The following DNER variants were observed in gnomAD, a reference collection of about 807,000 sequenced individuals.
The protein encoded by DNER is delta and Notch-like epidermal growth factor-related receptor.
DNER carries 33 observed loss-of-function variants against 78.2 expected under a neutral mutation model. That is an observed-to-expected ratio of 0.42 (90% CI 0.32 to 0.56). The LOEUF is 0.56. DNER is among the 20% of genes least tolerant of loss of function. DNER has a pLI of 0.11. For missense variants in DNER, 918 were observed against 975.3 expected, an observed-to-expected ratio of 0.94 and a Z score of 0.78; for synonymous variants, 417 against 384.8, an observed-to-expected ratio of 1.08 and a Z score of -0.98.
intron 1 of DNER, among the ~76,000 whole-genome samples, chr2:229,650,658 G>A (rs1698800212): frequency 6.6e-6 from 1 of 152,090 alleles, no homozygotes; most frequent in African/African-American, 2.4e-5. Context: ...TTTTCTTTCA[G>A]GGTTCCTTTT....
chr2:229,550,575 G>A (rs142070850), intron 4 of DNER, among the ~76,000 whole-genome samples: 2 of 152,074 alleles, frequency 1.3e-5, no homozygotes, highest in Admixed American at 6.5e-5. Flanking sequence ...GGGAGATCGA[G>A]ACCATCCTGG....
At chr2:229,378,274 A>C (rs1041608176) in intron 11 of DNER, among the ~76,000 whole-genome samples, 15 of 152,140 alleles carry the variant, frequency 9.9e-5, no homozygotes, top group Non-Finnish European at 1.6e-4. Flanking sequence ...GTTTTAAGCC[A>C]CTCAATTTGT....
At chr2:229,597,268 C>T (rs75920580) in intron 1 of DNER, among the ~76,000 whole-genome samples, 363 of 152,344 alleles carry the variant, frequency 2.4e-3, no homozygotes, top group African/African-American at 8.6e-3. Context: ...TTTTCTCTAA[C>T]TCTTCAGACT....
intron 10 of DNER, among the ~76,000 whole-genome samples, chr2:229,404,760 G>A (rs541590789): frequency 6.6e-6 from 1 of 152,250 alleles, no homozygotes; most frequent in Non-Finnish European, 1.5e-5. Flanking sequence ...GAGAAAACAT[G>A]ACATTTTCTC....
chr2:229,566,448 TG>T (rs911058419), intron 4 of DNER, among the ~76,000 whole-genome samples: 14 of 152,170 alleles, frequency 9.2e-5, no homozygotes, highest in African/African-American at 3.1e-4. Flanking sequence ...AACTAACCAA[TG>T]TATTGCAATG....
intron 11 of DNER, among the ~76,000 whole-genome samples, chr2:229,379,424 G>A (rs1176985681): frequency 2.0e-5 from 3 of 152,246 alleles, no homozygotes; most frequent in African/African-American, 7.2e-5. Context: ...AGAATATGAT[G>A]GAGCTTGAAT....
At chr2:229,418,286 G>T in intron 8 of DNER, 56 bp from the exon 9 acceptor site, 9 of 1,608,878 alleles carry the variant, frequency 5.6e-6, no homozygotes, top group South Asian at 1.1e-5. Context: ...CAACCCACGC[G>T]GGACCAGCCT....
rs1473668303 is a variant in DNER at position 229,566,216 on chromosome 2, T to C, written c.848-19124A>G. Reference sequence around the variant, plus strand: ...ATTGACATGTTTACCTGCCTGGCTATTGCAAGCATTGTGAACATGATCTTT... The same window carrying C: ...ATTGACATGTTTACCTGCCTGGCTACTGCAAGCATTGTGAACATGATCTTT... On this transcript the variant is annotated intron_variant, in intron 4 of 12. Coordinates refer to ENST00000341772, the MANE Select transcript of DNER (RefSeq NM_139072.4). 4.6e-5 allele frequency among the ~76,000 whole-genome samples: 7 copies of C among 152,310 alleles called. No homozygotes were observed. In the East Asian group the frequency reaches 7.7e-4, roughly 17 times the overall value.
At chr2:229,461,656 C>G (rs1694705400) in intron 7 of DNER, among the ~76,000 whole-genome samples, 1 of 151,888 alleles carries the variant, frequency 6.6e-6, no homozygotes, top group Admixed American at 6.6e-5. Context: ...TAAGCTATAA[C>G]AGAGGAATAA....
intron 1 of DNER, among the ~76,000 whole-genome samples, chr2:229,679,417 T>C (rs1699350737): frequency 6.6e-6 from 1 of 152,228 alleles, no homozygotes; most frequent in Non-Finnish European, 1.5e-5. Context: ...AAATGAACTG[T>C]AATGTGAACT....
chr2:229,422,755 TAAAGAAGAAAATGGAAGGG>T (rs1473398440), intron 8 of DNER, among the ~76,000 whole-genome samples: 3 of 151,628 alleles, frequency 2.0e-5, no homozygotes, highest in Non-Finnish European at 2.9e-5. Flanking sequence ...AAATTTTCAT[TAAAGAAGAAAATGGAAGGG>T]AAAGAAGAAA....
chr2:229,413,680 T>A (rs1172389946), intron 9 of DNER, among the ~76,000 whole-genome samples: 1 of 151,438 alleles, frequency 6.6e-6, no homozygotes, highest in African/African-American at 2.4e-5. Flanking sequence ...ATTGCACTCA[T>A]TCTTTTTAGG....
chr2:229,612,650 A>G (rs1023631669), intron 1 of DNER, among the ~76,000 whole-genome samples: 2 of 152,168 alleles, frequency 1.3e-5, no homozygotes, highest in Non-Finnish European at 2.9e-5. Context: ...TGTTTTTTGC[A>G]CTTTGCCAGA....
intron 8 of DNER, among the ~76,000 whole-genome samples, chr2:229,432,165 G>GA (rs1694019484): frequency 1.3e-5 from 2 of 152,226 alleles, no homozygotes; most frequent in Non-Finnish European, 2.9e-5. Context: ...TAAACAGTAA[G>GA]AAAAGCATTT....
In DNER at chr2:229,393,137, A is replaced by T. The variant is rs113814785; in HGVS notation, c.1724-4741T>A. Among the ~76,000 whole-genome samples, 3 of 152,336 alleles carry T rather than the reference A, an allele frequency of 2.0e-5. No homozygotes were observed. The East Asian group carries it at 5.8e-4, about 29-fold the overall frequency. On this transcript the variant is annotated intron_variant, in intron 10 of 12. Coordinates refer to ENST00000341772, the MANE Select transcript of DNER (RefSeq NM_139072.4). ...TATCTGAAATTGTTTTTAGAACCCA[A>T]TGGTCTTAATAGTAGACTAGTGACT...
intron 1 of DNER, among the ~76,000 whole-genome samples, chr2:229,631,598 A>G (rs758138022): frequency 6.6e-6 from 1 of 152,210 alleles, no homozygotes; most frequent in South Asian, 2.1e-4. Context: ...TTTAAAAAAT[A>G]TATATTTTAA....
chr2:229,690,132 G>T (rs568447763), intron 1 of DNER, among the ~76,000 whole-genome samples: 18 of 152,106 alleles, frequency 1.2e-4, no homozygotes, highest in Non-Finnish European at 1.9e-4. Flanking sequence ...GAACCACTTG[G>T]GGGTTTCCTT....
intron 1 of DNER, among the ~76,000 whole-genome samples, chr2:229,592,089 G>A (rs1367614377): frequency 6.6e-6 from 1 of 152,162 alleles, no homozygotes; most frequent in Non-Finnish European, 1.5e-5. Flanking sequence ...CAGATAAGAG[G>A]CACCCAGCAA....
intron 5 of DNER, among the ~76,000 whole-genome samples, chr2:229,540,231 G>C (rs754666677): frequency 1.4e-4 from 21 of 152,098 alleles, no homozygotes; most frequent in Admixed American, 3.3e-4. Flanking sequence ...AGACTCAGGG[G>C]GAGCAGGGCC....
Sources: allele counts gnomAD v4.1 joint callset (sites outside exome capture counted in the v4.1 genomes callset), GRCh38; gene constraint gnomAD v4.1.1; transcripts MANE v1.5; gene names NCBI Gene and HGNC (gene_info 2026-07-23, HGNC 2026-07-21).